The following PMFBP1 variants were observed in gnomAD, a reference collection of about 807,000 sequenced individuals.
The protein encoded by PMFBP1 is polyamine-modulated factor 1-binding protein 1.
PMFBP1 carries 131 observed loss-of-function variants against 137.8 expected under a neutral mutation model. The ratio of observed to expected loss-of-function variants is 0.95; its 90% CI spans 0.82 to 1.10. The LOEUF (loss-of-function observed/expected upper bound fraction) is 1.10. Among genes scored for constraint, PMFBP1 ranks in the 50% least tolerant of loss-of-function variants. The pLI, the probability that PMFBP1 is intolerant of heterozygous loss-of-function variation, is 0.00. For missense variants in PMFBP1, 1,199 were observed against 1,175.4 expected (o/e 1.02, Z -0.29); for synonymous variants, 490 against 450.4 (o/e 1.09, Z -1.11).
At chr16:72,156,319 G>T (rs761679455) in intron 3 of PMFBP1, among the ~76,000 whole-genome samples, 116 of 147,912 alleles carry the variant, frequency 7.8e-4, no homozygotes, top group Non-Finnish European at 1.4e-3. Flanking sequence ...CCAGGTTGCG[G>T]CAAGAATCAG....
At chr16:72,149,270 G>A (rs137870654) in intron 5 of PMFBP1, among the ~76,000 whole-genome samples, 65 of 152,298 alleles carry the variant, frequency 4.3e-4, no homozygotes, top group African/African-American at 1.5e-3. Flanking sequence ...CAGTGTGGAT[G>A]GGTGTGGGGA....
At chr16:72,220,457 T>C in the PMFBP1 span, among the ~76,000 whole-genome samples, 5 of 152,110 alleles carry the variant, frequency 3.3e-5, no homozygotes, top group East Asian at 7.7e-4. Context: ...AGCCCATGAA[T>C]AGGAAAAAAA....
At chr16:72,125,093 C>G in intron 16 of PMFBP1, 145 bp downstream of exon 16, 2 of 1,380,002 alleles carry the variant, frequency 1.4e-6, no homozygotes, top group Non-Finnish European at 2.0e-6. Flanking sequence ...TCTTTGCTGC[C>G]TCTGTCTGAA....
chr16:72,153,868 A>G (rs2042939372), intron 4 of PMFBP1, among the ~76,000 whole-genome samples: 1 of 149,458 alleles, frequency 6.7e-6, no homozygotes, highest in Non-Finnish European at 1.5e-5. Flanking sequence ...TCAGAGACCT[A>G]CAGTCTTTTG....
chr16:72,192,652 C>T, the PMFBP1 span, among the ~76,000 whole-genome samples: 2 of 151,952 alleles, frequency 1.3e-5, no homozygotes, highest in African/African-American at 2.4e-5. Flanking sequence ...CTTTGGGAGG[C>T]CGAGGCAGGC....
In PMFBP1 at chr16:72,130,478, G is replaced by A. The variant is rs148763420; in HGVS notation, c.1637+55C>T. On this transcript the variant is annotated intron_variant, in intron 11 of 20. Coordinates refer to ENST00000237353, the MANE Select transcript of PMFBP1 (RefSeq NM_031293.3). ...CTGGGCAGCTGCCCACAGAGGGCCC[G>A]GCTGGGTCAAGAGTGACAGAACCTC... 5.0e-3 allele frequency: 8,064 copies of A among 1,608,830 alleles called. 29 individuals carry two copies. Among genetic ancestry groups the A allele is most frequent in the Admixed American group, 7.4e-3 (445 of 59,746 alleles).
intron 5 of PMFBP1, among the ~76,000 whole-genome samples, chr16:72,144,514 G>A (rs1294720939): frequency 1.3e-5 from 2 of 152,166 alleles, no homozygotes; most frequent in African/African-American, 2.4e-5. Context: ...AACCAGTGTG[G>A]AAGGCTTGGG....
chr16:72,223,085 G>A, the PMFBP1 span, among the ~76,000 whole-genome samples: 2 of 152,136 alleles, frequency 1.3e-5, no homozygotes, highest in African/African-American at 4.8e-5. Context: ...GCATGGGAGT[G>A]GGATGCAGCA....
chr16:72,219,930 C>T, the PMFBP1 span, among the ~76,000 whole-genome samples: 1 of 152,088 alleles, frequency 6.6e-6, no homozygotes, highest in African/African-American at 2.4e-5. Flanking sequence ...GCAAAAGCAG[C>T]CTTCAGTTTA....
rs988073190 is a variant in PMFBP1 at position 72,132,992 on chromosome 16, C to A, written c.1204-1G>T. On this transcript the variant is annotated splice_acceptor_variant, in intron 9 of 20. Coordinates refer to ENST00000237353, the MANE Select transcript of PMFBP1 (RefSeq NM_031293.3). LOFTEE classifies it high-confidence loss of function. ...GCATCTCATCTTTCTCTTGGAGGAA[C>A]TGAAGACAGCAAAATGCAAATGCTG... 4 of 1,613,926 alleles carry A rather than the reference C, an allele frequency of 2.5e-6. No homozygotes were observed. The South Asian group carries it at 4.4e-5, about 18-fold the overall frequency.
the PMFBP1 span, among the ~76,000 whole-genome samples, chr16:72,213,575 G>A: frequency 6.6e-6 from 1 of 152,156 alleles, no homozygotes; most frequent in Non-Finnish European, 1.5e-5. Context: ...ACTTTGAGAG[G>A]ACTACAGTCC....
At chr16:72,159,948 G>C (rs139365603) in intron 3 of PMFBP1, among the ~76,000 whole-genome samples, 1 of 152,222 alleles carries the variant, frequency 6.6e-6, no homozygotes, top group Non-Finnish European at 1.5e-5. Flanking sequence ...ACCATCTGGA[G>C]TGAGATGTGA....
chr16:72,163,272 G>C (rs1474281018), intron 3 of PMFBP1, among the ~76,000 whole-genome samples: 3 of 152,198 alleles, frequency 2.0e-5, no homozygotes. Context: ...GTGTTAGGGA[G>C]CTGTGGGAAA....
At chr16:72,248,131 C>T in the PMFBP1 span, among the ~76,000 whole-genome samples, 3 of 152,066 alleles carry the variant, frequency 2.0e-5, no homozygotes, top group Non-Finnish European at 4.4e-5. Context: ...ATATTATTTT[C>T]CAAAATAATG....
At chr16:72,197,358 T>C in the PMFBP1 span, among the ~76,000 whole-genome samples, 2 of 152,198 alleles carry the variant, frequency 1.3e-5, no homozygotes, top group African/African-American at 2.4e-5. Flanking sequence ...CAACCCTGCA[T>C]CATGCATGGT....
chr16:72,235,683 G>T, the PMFBP1 span, among the ~76,000 whole-genome samples: 1 of 151,808 alleles, frequency 6.6e-6, no homozygotes, highest in Non-Finnish European at 1.5e-5. Context: ...AAAATGATTT[G>T]CAGTTTTCAG....
the PMFBP1 span, among the ~76,000 whole-genome samples, chr16:72,204,354 C>T: frequency 6.6e-6 from 1 of 151,926 alleles, no homozygotes. Flanking sequence ...AGAGATGGGG[C>T]GTGCACCACC....
intron 14 of PMFBP1, among the ~76,000 whole-genome samples, chr16:72,126,487 A>G (rs573776338): frequency 2.6e-5 from 4 of 152,368 alleles, no homozygotes; most frequent in African/African-American, 7.2e-5. Context: ...CATGATAACA[A>G]CATGTCCTTT....
the PMFBP1 span, among the ~76,000 whole-genome samples, chr16:72,186,773 C>T: frequency 6.6e-6 from 1 of 152,048 alleles, no homozygotes; most frequent in Non-Finnish European, 1.5e-5. Context: ...ATATTATATC[C>T]AAATATATAA....
Sources: allele counts gnomAD v4.1 joint callset (sites outside exome capture counted in the v4.1 genomes callset), GRCh38; gene constraint gnomAD v4.1.1; transcripts MANE v1.5; gene names NCBI Gene and HGNC (gene_info 2026-07-23, HGNC 2026-07-21).